Variants in LNX2 observed in about 807,000 individuals in gnomAD.
LNX2 encodes ligand of numb-protein X 2.
A neutral mutation model predicts 66.2 loss-of-function variants in LNX2; 35 were observed. That is an observed-to-expected ratio of 0.53 (90% CI 0.40 to 0.70). The LOEUF (loss-of-function observed/expected upper bound fraction) is 0.70, where lower values mean the gene tolerates loss of function less well. Ranked by LOEUF, LNX2 falls within the 30% of genes least tolerant of loss-of-function variation. The probability of loss-of-function intolerance (pLI) is 0.00; values close to 1 mark genes in which losing one functional copy is unlikely to be tolerated. For synonymous variants in LNX2, 337 were observed against 315.6 expected (o/e 1.07, Z -0.72); for missense variants, 791 against 850.8 (o/e 0.93, Z 0.87).
intron 1 of LNX2, among the ~76,000 whole-genome samples, chr13:27,601,087 C>T (rs757583758): frequency 1.3e-5 from 2 of 152,186 alleles, no homozygotes; most frequent in African/African-American, 2.4e-5. Flanking sequence ...ACTATTACTA[C>T]AGGCTGGACA....
rs371692725 is a variant in LNX2 at position 27,574,313 on chromosome 13, G to A, written c.408-5037C>T. Among the ~76,000 whole-genome samples, 49 of 152,246 alleles carry A rather than the reference G, an allele frequency of 3.2e-4. No individual in the cohort carries two copies. In the East Asian group the frequency reaches 5.6e-3, roughly 17 times the overall value. On this transcript the variant is annotated intron_variant, in intron 2 of 9. Coordinates refer to ENST00000316334, the MANE Select transcript of LNX2 (RefSeq NM_153371.4). ...TACAAAATTAGCCAGGTTTGGTGGCGCATGCCTGTAATCTCAGCTACTTGG... is the reference window on the plus strand; with the variant it reads ...TACAAAATTAGCCAGGTTTGGTGGCACATGCCTGTAATCTCAGCTACTTGG...
chr13:27,603,839 T>G (rs549733209), intron 1 of LNX2, among the ~76,000 whole-genome samples: 4 of 152,022 alleles, frequency 2.6e-5, no homozygotes, highest in Non-Finnish European at 4.4e-5. Context: ...ATGACTATTA[T>G]GTATTCCACC....
intron 2 of LNX2, among the ~76,000 whole-genome samples, chr13:27,572,828 C>T (rs1043101821): frequency 2.0e-5 from 3 of 152,146 alleles, no homozygotes; most frequent in African/African-American, 4.8e-5. Context: ...ACAATGCATA[C>T]TAACCACTGC....
intron 1 of LNX2, among the ~76,000 whole-genome samples, chr13:27,614,819 G>A (rs765469404): frequency 2.0e-5 from 3 of 152,142 alleles, no homozygotes; most frequent in South Asian, 2.1e-4. Context: ...AAATCCCAAC[G>A]GGGAAGGGGG....
At chr13:27,564,976 C>T (rs1027923359) in intron 4 of LNX2, among the ~76,000 whole-genome samples, 12 of 152,122 alleles carry the variant, frequency 7.9e-5, no homozygotes, top group Admixed American at 7.9e-4. Flanking sequence ...AGGAGAGACC[C>T]TTTGTGAATT....
At chr13:27,561,235 T>C (rs1955131634) in intron 5 of LNX2, among the ~76,000 whole-genome samples, 1 of 152,242 alleles carries the variant, frequency 6.6e-6, no homozygotes, top group Non-Finnish European at 1.5e-5. Flanking sequence ...TTGAATGAAC[T>C]AGATTAGATA....
intron 1 of LNX2, among the ~76,000 whole-genome samples, chr13:27,606,670 A>C (rs1462306665): frequency 6.6e-6 from 1 of 152,232 alleles, no homozygotes; most frequent in Non-Finnish European, 1.5e-5. Context: ...GGAAGGATAT[A>C]CAAAAAAACT....
chr13:27,597,385 C>T (rs138741958), intron 1 of LNX2, among the ~76,000 whole-genome samples: 19 of 152,218 alleles, frequency 1.2e-4, no homozygotes, highest in African/African-American at 2.2e-4. Context: ...GAGAAGTACA[C>T]GGGCTCAGAA....
In LNX2 at chr13:27,600,031, ATAAC is replaced by A. The variant is rs1010807032; in HGVS notation, c.-100-18232_-100-18229del. 3.9e-5 allele frequency among the ~76,000 whole-genome samples: 6 copies of A among 152,208 alleles called. No individual in the cohort carries two copies. The South Asian group carries it at 8.3e-4, about 21-fold the overall frequency. On this transcript the variant is annotated intron_variant, in intron 1 of 9. Coordinates refer to ENST00000316334, the MANE Select transcript of LNX2 (RefSeq NM_153371.4). ...CCCTATCAGTTAGCCAGCATGGCAC[ATAAC>A]TAACAGGCACATCAGTTATGTACCA... is the stretch of plus-strand genomic sequence containing the variant.
intron 1 of LNX2, among the ~76,000 whole-genome samples, chr13:27,612,495 A>T (rs1955783220): frequency 6.6e-6 from 1 of 152,174 alleles, no homozygotes; most frequent in African/African-American, 2.4e-5. Context: ...TCATAACCCA[A>T]ACACCCTATG....
At chr13:27,615,080 G>C (rs1593268404) in intron 1 of LNX2, among the ~76,000 whole-genome samples, 1 of 151,926 alleles carries the variant, frequency 6.6e-6, no homozygotes, top group African/African-American at 2.4e-5. Flanking sequence ...TTCTGACCTG[G>C]AGATAACCCC....
chr13:27,593,232 T>G (rs1358687304), intron 1 of LNX2, among the ~76,000 whole-genome samples: 1 of 152,198 alleles, frequency 6.6e-6, no homozygotes. Context: ...CTTTGTCATT[T>G]ATCTCATCTT....
At chr13:27,598,962 T>G (rs1360424753) in intron 1 of LNX2, among the ~76,000 whole-genome samples, 2 of 152,212 alleles carry the variant, frequency 1.3e-5, no homozygotes, top group Non-Finnish European at 2.9e-5. Context: ...TGGATGGACC[T>G]CATTTCTCAG....
At chr13:27,616,253 C>T (rs939216011) in intron 1 of LNX2, among the ~76,000 whole-genome samples, 3 of 151,966 alleles carry the variant, frequency 2.0e-5, no homozygotes, top group African/African-American at 7.3e-5. Flanking sequence ...GGTTGACAGT[C>T]GGTTGAGTTT....
chr13:27,562,308 A>T, intron 5 of LNX2, 105 bp downstream of exon 5: 1 of 1,382,916 alleles, frequency 7.2e-7, no homozygotes, highest in Non-Finnish European at 9.8e-7. Context: ...TTTCTAATGA[A>T]ATATAAAATG....
At chr13:27,570,415 C>T (rs948831800) in intron 2 of LNX2, among the ~76,000 whole-genome samples, 3 of 152,208 alleles carry the variant, frequency 2.0e-5, no homozygotes, top group Non-Finnish European at 4.4e-5. Context: ...ATTTTCCCTC[C>T]TGAACTAAAG....
chr13:27,565,477 TG>T (rs760028895), intron 4 of LNX2, among the ~76,000 whole-genome samples: 11 of 152,100 alleles, frequency 7.2e-5, no homozygotes, highest in Non-Finnish European at 1.2e-4. Context: ...AGGATGAACC[TG>T]GGAAATGAGC....
chr13:27,557,091 G>T (rs1037958575), intron 6 of LNX2, among the ~76,000 whole-genome samples: 1 of 151,964 alleles, frequency 6.6e-6, no homozygotes, highest in East Asian at 1.9e-4. Flanking sequence ...GGAAGAAAAA[G>T]AATTTAAAAC....
At chr13:27,557,336 A>G (rs1955074669) in intron 6 of LNX2, among the ~76,000 whole-genome samples, 1 of 152,058 alleles carries the variant, frequency 6.6e-6, no homozygotes, top group African/African-American at 2.4e-5. Context: ...TCATGTTAAT[A>G]TAGGCAACTG....
Sources: allele counts gnomAD v4.1 joint callset (sites outside exome capture counted in the v4.1 genomes callset), GRCh38; gene constraint gnomAD v4.1.1; transcripts MANE v1.5; gene names NCBI Gene and HGNC (gene_info 2026-07-23, HGNC 2026-07-21).